The following CHN2 variants were observed in gnomAD, a reference collection of about 807,000 sequenced individuals.
CHN2 encodes the protein beta-chimaerin.
A neutral mutation model predicts 56.3 loss-of-function variants in CHN2; 35 were observed. The observed-to-expected ratio is 0.62, with a 90% CI of 0.47 to 0.82. The LOEUF is 0.82. Ranked by LOEUF, CHN2 falls within the 40% of genes least tolerant of loss-of-function variation. The pLI is 0.00. For synonymous variants in CHN2, 210 were observed against 212.8 expected, an observed-to-expected ratio of 0.99 and a Z score of 0.12; for missense variants, 491 against 580.5, an observed-to-expected ratio of 0.85 and a Z score of 1.58.
In CHN2 at chr7:29,496,068, T is replaced by C. The variant is rs146253773; in HGVS notation, c.739+32T>C. 1,763 of 1,547,346 alleles carry C rather than the reference T, an allele frequency of 1.1e-3. 16 individuals are homozygous for C. The African/African-American group carries it at 0.02, about 17-fold the overall frequency. On this transcript the variant is annotated intron_variant, in intron 8 of 12. Transcript: ENST00000222792. ...ACAGAACTTTCTTCTTTTCCAATTA[T>C]ATGAAATGCCACTGTGCTGAGCTGG... is the stretch of plus-strand genomic sequence containing the variant.
chr7:29,364,427 A>C (rs1163565176), intron 2 of CHN2, among the ~76,000 whole-genome samples: 1 of 152,160 alleles, frequency 6.6e-6, no homozygotes, highest in African/African-American at 2.4e-5. Context: ...ACCATATATC[A>C]CTGTTGGCTT....
chr7:29,337,489 G>C (rs779731952), intron 1 of CHN2, among the ~76,000 whole-genome samples: 1 of 152,066 alleles, frequency 6.6e-6, no homozygotes, highest in Non-Finnish European at 1.5e-5. Flanking sequence ...GCGGAGAGGG[G>C]GTCTATTCTT....
At chr7:29,186,995 A>G (rs1457209687) in intron 2 of CHN2, among the ~76,000 whole-genome samples, 2 of 152,180 alleles carry the variant, frequency 1.3e-5, no homozygotes, top group Non-Finnish European at 2.9e-5. Context: ...GAGGATAACA[A>G]TTCTCACTTC....
intron 1 of CHN2, among the ~76,000 whole-genome samples, chr7:29,285,647 C>G (rs1366759944): frequency 6.6e-6 from 1 of 152,222 alleles, no homozygotes; most frequent in Non-Finnish European, 1.5e-5. Context: ...TAGGGTATGT[C>G]TTCACCAACA....
chr7:29,281,382 C>A (rs913746397), intron 1 of CHN2, among the ~76,000 whole-genome samples: 2 of 152,158 alleles, frequency 1.3e-5, no homozygotes, highest in Non-Finnish European at 2.9e-5. Context: ...ACTTAAGGAA[C>A]CCCTTATTTA....
intron 10 of CHN2, 83 bp from the exon 11 acceptor site, chr7:29,507,145 G>C: frequency 9.5e-7 from 1 of 1,051,706 alleles, no homozygotes. Context: ...ATTCATCGCT[G>C]GATTTTTTTT....
chr7:29,380,186 A>C (rs1562561955), intron 3 of CHN2, among the ~76,000 whole-genome samples: 1 of 152,200 alleles, frequency 6.6e-6, no homozygotes, highest in Non-Finnish European at 1.5e-5. Flanking sequence ...TGGTGGGAGA[A>C]TATATGTAAA....
chr7:29,511,697 A>ACCTAAACACATTTTAATTATATTTT (rs148436862), intron 12 of CHN2, among the ~76,000 whole-genome samples: 3 of 151,794 alleles, frequency 2.0e-5, no homozygotes, highest in African/African-American at 7.3e-5. Flanking sequence ...TTTATGCACA[A>ACCTAAACACATTTTAATTATATTTT]CCTAAACACA....
At chr7:29,272,784 C>A (rs1048335339) in intron 1 of CHN2, among the ~76,000 whole-genome samples, 1 of 152,054 alleles carries the variant, frequency 6.6e-6, no homozygotes, top group African/African-American at 2.4e-5. Flanking sequence ...TGTGCCAACA[C>A]GCATTTTTAA....
chr7:29,181,336 AT>A, intron 2 of CHN2: 1 of 152,236 alleles, frequency 6.6e-6, no homozygotes, highest in South Asian at 2.1e-4. Flanking sequence ...TATATAGAAT[AT>A]ACTGTGTTTG....
chr7:29,282,220 A>T (rs890676371), intron 1 of CHN2, among the ~76,000 whole-genome samples: 2 of 152,232 alleles, frequency 1.3e-5, no homozygotes, highest in African/African-American at 2.4e-5. Flanking sequence ...ACAGGGATTC[A>T]TGGTTGTCTC....
chr7:29,499,686 G>A (rs1789727974), intron 8 of CHN2, among the ~76,000 whole-genome samples, 181 bp from the exon 9 acceptor site: 1 of 152,158 alleles, frequency 6.6e-6, no homozygotes, highest in Non-Finnish European at 1.5e-5. Context: ...TCATATAAGG[G>A]TTTAGTGATT....
intron 1 of CHN2, among the ~76,000 whole-genome samples, chr7:29,261,479 C>A (rs1471284184): frequency 6.0e-5 from 9 of 151,102 alleles, no homozygotes; most frequent in Non-Finnish European, 1.5e-5. Flanking sequence ...CTCCTGCTTA[C>A]CACCCTAAGG....
At chr7:29,180,649 C>G (rs1367698804) in intron 2 of CHN2, among the ~76,000 whole-genome samples, 5 of 151,940 alleles carry the variant, frequency 3.3e-5, no homozygotes, top group Admixed American at 3.3e-4. Context: ...ACAAATTTGA[C>G]CAATTAAAAG....
At position 29,175,083 on chromosome 7, in the gene CHN2, A is replaced by G. The variant is rs189916136; in HGVS notation, c.274+28123A>G. 3.6e-3 allele frequency among the ~76,000 whole-genome samples: 552 copies of G among 152,200 alleles called. 1 individual carries two copies. Among genetic ancestry groups the G allele is most frequent in the African/African-American group, 9.2e-3 (382 of 41,530 alleles). ...TTCCCATATGTTGTGGCAGGGACCCAGTGGGAGATGATTCAATCTTTGGAG... is the reference window on the plus strand; with the variant it reads ...TTCCCATATGTTGTGGCAGGGACCCGGTGGGAGATGATTCAATCTTTGGAG... On this transcript the variant is annotated intron_variant, in intron 2 of 6. Transcript: ENST00000439384.
chr7:29,147,349 G>A (rs574336150), intron 2 of CHN2: 50 of 179,584 alleles, frequency 2.8e-4, no homozygotes, highest in Non-Finnish European at 5.1e-4. Context: ...TCTCCTCACA[G>A]CTAGCTGCAG....
At chr7:29,467,633 C>G (rs1009760547) in intron 6 of CHN2, among the ~76,000 whole-genome samples, 1 of 152,178 alleles carries the variant, frequency 6.6e-6, no homozygotes, top group Non-Finnish European at 1.5e-5. Flanking sequence ...GGATATTACA[C>G]TCTAGTGGGG....
intron 1 of CHN2, among the ~76,000 whole-genome samples, chr7:29,330,795 G>A (rs558776269): frequency 6.6e-6 from 1 of 152,284 alleles, no homozygotes; most frequent in South Asian, 2.1e-4. Context: ...TTTATTTTTA[G>A]AAAAAGTAGA....
At chr7:29,232,857 C>T (rs556064089) in intron 1 of CHN2, among the ~76,000 whole-genome samples, 171 of 152,284 alleles carry the variant, frequency 1.1e-3, no homozygotes, top group African/African-American at 3.5e-3. Flanking sequence ...TTATTTTAAA[C>T]GGACAGTGGT....
Sources: allele counts gnomAD v4.1 joint callset (sites outside exome capture counted in the v4.1 genomes callset), GRCh38; gene constraint gnomAD v4.1.1; transcripts MANE v1.5; gene names NCBI Gene and HGNC (gene_info 2026-07-23, HGNC 2026-07-21).